Variants in UBE3D observed in about 807,000 individuals in gnomAD.
UBE3D encodes E3 ubiquitin-protein ligase E3D.
UBE3D carries 48 observed loss-of-function variants against 49.6 expected under a neutral mutation model. The ratio of observed to expected loss-of-function variants is 0.97; its 90% CI spans 0.77 to 1.23. The LOEUF (loss-of-function observed/expected upper bound fraction) is 1.23. UBE3D is among the 50% of genes most tolerant of loss of function. The pLI is 0.00. For synonymous variants in UBE3D, 189 were observed against 174.2 expected (o/e 1.08, Z -0.67); for missense variants, 452 against 468.4 (o/e 0.96, Z 0.32).
chr6:82,962,268 G>A (rs1339247665), intron 8 of UBE3D, among the ~76,000 whole-genome samples: 1 of 152,126 alleles, frequency 6.6e-6, no homozygotes, highest in African/African-American at 2.4e-5. Flanking sequence ...TCAGACAAAG[G>A]AAATTTTAAA....
At chr6:82,898,839 T>C (rs1056641684) in intron 9 of UBE3D, among the ~76,000 whole-genome samples, 3 of 152,086 alleles carry the variant, frequency 2.0e-5, no homozygotes, top group African/African-American at 7.2e-5. Context: ...AAAAAATTTT[T>C]TTTAAAGATA....
intron 8 of UBE3D, among the ~76,000 whole-genome samples, chr6:82,991,326 C>G (rs538690591): frequency 6.6e-6 from 1 of 152,288 alleles, no homozygotes; most frequent in South Asian, 2.1e-4. Context: ...TTACAACCAT[C>G]AATACCTCCA....
At chr6:82,941,601 C>T (rs1010318199) in intron 9 of UBE3D, among the ~76,000 whole-genome samples, 1 of 152,108 alleles carries the variant, frequency 6.6e-6, no homozygotes, top group Non-Finnish European at 1.5e-5. Flanking sequence ...TACAGTTTGG[C>T]TCTGTGTCCC....
At chr6:83,059,736 A>G (rs1223821908) in intron 1 of UBE3D, among the ~76,000 whole-genome samples, 2 of 152,140 alleles carry the variant, frequency 1.3e-5, no homozygotes, top group Admixed American at 6.5e-5. Flanking sequence ...GAAACTAAGC[A>G]GACTGTGGAG....
intron 9 of UBE3D, among the ~76,000 whole-genome samples, chr6:82,931,832 A>C (rs1297329384): frequency 6.6e-6 from 1 of 152,150 alleles, no homozygotes; most frequent in East Asian, 1.9e-4. Flanking sequence ...ATGTGAGTAC[A>C]TGAGATCTGG....
downstream of UBE3D, among the ~76,000 whole-genome samples, chr6:82,889,799 T>C (rs999397480): frequency 6.6e-6 from 1 of 152,022 alleles, no homozygotes; most frequent in Non-Finnish European, 1.5e-5. Context: ...CTGCAGTACC[T>C]GTAACTATGC....
the UBE3D span, among the ~76,000 whole-genome samples, chr6:82,883,158 A>G: frequency 6.6e-6 from 1 of 152,244 alleles, no homozygotes; most frequent in African/African-American, 2.4e-5. Flanking sequence ...CTACAGGACA[A>G]AAGACTTCAT....
intron 9 of UBE3D, among the ~76,000 whole-genome samples, chr6:82,922,133 T>A (rs986252706): frequency 6.6e-6 from 1 of 151,530 alleles, no homozygotes; most frequent in African/African-American, 2.4e-5. Context: ...TCTGAACAAT[T>A]TTTTTGGAAA....
intron 3 of UBE3D, among the ~76,000 whole-genome samples, chr6:83,045,223 C>T (rs1782950482): frequency 6.6e-6 from 1 of 151,806 alleles, no homozygotes; most frequent in South Asian, 2.1e-4. Flanking sequence ...TATTTTAAAA[C>T]CCAACACCTA....
chr6:83,000,463 T>C (rs1412626243), intron 8 of UBE3D, among the ~76,000 whole-genome samples: 1 of 152,170 alleles, frequency 6.6e-6, no homozygotes, highest in Admixed American at 6.5e-5. Flanking sequence ...GCAGCTACCA[T>C]CACCCAGGTC....
chr6:82,955,776 T>G (rs895918712), intron 9 of UBE3D, among the ~76,000 whole-genome samples: 1 of 152,204 alleles, frequency 6.6e-6, no homozygotes, highest in Non-Finnish European at 1.5e-5. Context: ...TGGTGGCAGA[T>G]GGAGTAATCC....
intron 8 of UBE3D, among the ~76,000 whole-genome samples, chr6:82,994,517 T>C (rs964088319): frequency 2.0e-5 from 3 of 152,004 alleles, no homozygotes; most frequent in Admixed American, 6.6e-5. Context: ...AGATAAGGAT[T>C]TGGGACAGGC....
intron 9 of UBE3D, among the ~76,000 whole-genome samples, chr6:82,918,728 T>C (rs1471058321): frequency 2.0e-5 from 3 of 151,892 alleles, no homozygotes; most frequent in Admixed American, 6.6e-5. Flanking sequence ...TGGTCTTATC[T>C]GAGTTCCTTC....
intron 9 of UBE3D, among the ~76,000 whole-genome samples, chr6:82,952,037 GTT>G (rs1451846136): frequency 2.0e-5 from 3 of 152,168 alleles, no homozygotes; most frequent in Non-Finnish European, 4.4e-5. Flanking sequence ...GAGAAATACT[GTT>G]TACTATGTTC....
intron 5 of UBE3D, among the ~76,000 whole-genome samples, chr6:83,031,429 A>G (rs1247019672): frequency 2.0e-5 from 3 of 152,244 alleles, no homozygotes; most frequent in Admixed American, 6.5e-5. Flanking sequence ...GGGAAATTCA[A>G]GCCTGCTTGC....
At chr6:83,050,951 G>A (rs1265155020) in intron 3 of UBE3D, among the ~76,000 whole-genome samples, 1 of 152,172 alleles carries the variant, frequency 6.6e-6, no homozygotes, top group East Asian at 1.9e-4. Flanking sequence ...TTCTCAGAGA[G>A]AAAAAGAGAA....
chr6:82,941,609 C>T (rs1244715756), intron 9 of UBE3D, among the ~76,000 whole-genome samples: 1 of 152,040 alleles, frequency 6.6e-6, no homozygotes, highest in East Asian at 1.9e-4. Flanking sequence ...GGCTCTGTGT[C>T]CCCACCCAAA....
intron 8 of UBE3D, among the ~76,000 whole-genome samples, chr6:82,990,235 G>C (rs1015476695): frequency 1.3e-5 from 2 of 152,046 alleles, no homozygotes; most frequent in African/African-American, 4.8e-5. Context: ...ATGCCAACAG[G>C]AAAAAATTAA....
chr6:82,911,125 AT>A (rs1390610529), intron 9 of UBE3D, among the ~76,000 whole-genome samples: 1 of 149,558 alleles, frequency 6.7e-6, no homozygotes, highest in Non-Finnish European at 1.5e-5. Flanking sequence ...CACTATAGCC[AT>A]AATGTCATAG....
Sources: allele counts gnomAD v4.1 joint callset (sites outside exome capture counted in the v4.1 genomes callset), GRCh38; gene constraint gnomAD v4.1.1; transcripts MANE v1.5; gene names NCBI Gene and HGNC (gene_info 2026-07-23, HGNC 2026-07-21).